Variants in FRY observed in about 807,000 individuals in gnomAD.
The protein encoded by FRY is FRY microtubule binding protein.
Under a neutral mutation model 348.4 loss-of-function variants are expected in FRY, and 128 were observed. The ratio of observed to expected loss-of-function variants is 0.37; its 90% CI spans 0.32 to 0.43. The LOEUF is 0.43. Among genes scored for constraint, FRY ranks in the 20% least tolerant of loss-of-function variants. FRY has a pLI of 1.00. For synonymous variants in FRY, 1,370 were observed against 1,374.7 expected (o/e 1.00, Z 0.08); for missense variants, 2,736 against 3,695.2 (o/e 0.74, Z 6.73).
At chr13:32,093,437 C>T (rs1033135378) in intron 2 of FRY, among the ~76,000 whole-genome samples, 4 of 152,100 alleles carry the variant, frequency 2.6e-5, no homozygotes, top group African/African-American at 9.7e-5. Context: ...ATTGAGGAAA[C>T]GTCTTTCTTT....
intron 2 of FRY, among the ~76,000 whole-genome samples, chr13:32,091,548 G>T (rs144654420): frequency 6.6e-6 from 1 of 152,334 alleles, no homozygotes; most frequent in East Asian, 1.9e-4. Flanking sequence ...GAAGTAGAGT[G>T]CCTGCGGCTG....
At chr13:32,153,797 A>G (rs1880942841) in intron 14 of FRY, among the ~76,000 whole-genome samples, 1 of 152,170 alleles carries the variant, frequency 6.6e-6, no homozygotes, top group Non-Finnish European at 1.5e-5. Flanking sequence ...ATAGCCCTAT[A>G]TGATTGATAG....
intron 4 of FRY, among the ~76,000 whole-genome samples, chr13:32,122,814 G>A (rs1374086254): frequency 6.6e-6 from 1 of 152,156 alleles, no homozygotes; most frequent in Non-Finnish European, 1.5e-5. Flanking sequence ...AAAGCTCCTA[G>A]GACTGATAAA....
rs768316543 is a variant in FRY, at chr13:32,247,456, A to T, written c.6962A>T (p.Lys2321Met). Residue 2321 changes from lysine to methionine, a missense_variant, in exon 48 of 61, where the codon AAG becomes ATG. Physicochemically the swap from Lys to Met is moderately conservative, Grantham distance 95. Transcript: ENST00000542859. ...EIHRVWTSASKELPGKTLDFH... is the reference protein window; with the variant it reads ...EIHRVWTSASMELPGKTLDFH... The stretch of plus-strand genomic sequence containing the variant: ...CATCGAGTGTGGACTAGTGCTTCCA[A>T]GGAATTACCTGGGAAAACCCTGGAC... 6.4e-5 allele frequency: 104 copies of T among 1,613,658 alleles called. No individual in the cohort carries two copies. The highest frequency in any genetic ancestry group is 1.6e-4 in the Middle Eastern group (1 of 6,084).
chr13:32,085,106 A>G (rs1875772290), intron 2 of FRY, among the ~76,000 whole-genome samples: 1 of 152,222 alleles, frequency 6.6e-6, no homozygotes, highest in South Asian at 2.1e-4. Context: ...TGTTCTTTGC[A>G]CAGATGAATG....
intron 40 of FRY, among the ~76,000 whole-genome samples, 172 bp downstream of exon 40, chr13:32,228,826 T>G (rs529090977): frequency 6.6e-6 from 1 of 152,310 alleles, no homozygotes; most frequent in East Asian, 1.9e-4. Context: ...ATACAGAGAA[T>G]TACAATTTGT....
chr13:32,239,852 A>G lies in FRY; in HGVS notation c.6658A>G (p.Thr2220Ala). 6.2e-7 allele frequency: 1 copy of G among 1,613,732 alleles called. No homozygotes were observed. Among genetic ancestry groups the G allele is most frequent in the Non-Finnish European group, 8.5e-7 (1 of 1,179,938 alleles). ...CCTTCATGAAGCATATGCTGACATTACCTTGAATATGGTTACCTACCTGGC... is the reference window on the plus strand; with the variant it reads ...CCTTCATGAAGCATATGCTGACATTGCCTTGAATATGGTTACCTACCTGGC... ...RYLHEAYADI[T>A]LNMVTYLAEL... The change falls in exon 46 of 61, where the codon ACC becomes GCC. Residue 2220 changes from threonine to alanine, a missense_variant. Thr to Ala is a moderately conservative substitution (Grantham distance 58). Around this residue, in one of 9 missense-constraint regions of FRY, gnomAD observed 789 missense variants for 996.2 expected, o/e 0.79. Transcript: ENST00000542859. The surrounding 1 kb of genome is among the most constrained non-coding windows in gnomAD (Gnocchi z 4.3).
At chr13:32,260,987 A>C (rs1451117227) in intron 51 of FRY, among the ~76,000 whole-genome samples, 1 of 152,250 alleles carries the variant, frequency 6.6e-6, no homozygotes, top group Non-Finnish European at 1.5e-5. Context: ...AATTATTTAA[A>C]GATGAGCCTA....
At chr13:32,169,356 G>A (rs1414875828) in intron 17 of FRY, among the ~76,000 whole-genome samples, 1 of 152,096 alleles carries the variant, frequency 6.6e-6, no homozygotes, top group Non-Finnish European at 1.5e-5. Flanking sequence ...TCTAATAATA[G>A]CTAACGTTAC....
At chr13:32,179,931 T>C (rs1882597608) in intron 23 of FRY, 132 bp downstream of exon 23, 1 of 853,214 alleles carries the variant, frequency 1.2e-6, no homozygotes, top group Non-Finnish European at 2.0e-6. Flanking sequence ...GACTTCCCAC[T>C]ACATCGTCTT....
At position 32,239,653 on chromosome 13, in the gene FRY, AC is replaced by A; in HGVS notation, c.6517-57del. 2.4e-6 allele frequency: 3 copies of A among 1,246,376 alleles called. No homozygotes were observed. In the South Asian group the frequency reaches 3.7e-5, roughly 15 times the overall value. The allele number at this position is 1,246,376 out of a possible 1,614,324, so 77.2% of individuals were successfully genotyped here. A position where few individuals can be genotyped will look rare whatever the true frequency, so the allele number is the denominator to read the frequency against. ...GCCAGAGCTTATAGTAAAATTGCTAACATTTCTTCCTATTCATTGGGCTATT... is the reference window on the plus strand; with the variant it reads ...GCCAGAGCTTATAGTAAAATTGCTAAATTTCTTCCTATTCATTGGGCTATT... On this transcript the variant is annotated intron_variant, in intron 45 of 60. Coordinates refer to ENST00000542859, the MANE Select transcript of FRY (RefSeq NM_023037.3). The surrounding 1 kb of genome is among the most constrained non-coding windows in gnomAD (Gnocchi z 4.3).
At chr13:32,285,216 T>C (rs1230372962) in intron 58 of FRY, among the ~76,000 whole-genome samples, 1 of 152,192 alleles carries the variant, frequency 6.6e-6, no homozygotes, top group African/African-American at 2.4e-5. Flanking sequence ...ATTTTTAGAA[T>C]GTGGATACAG....
intron 1 of FRY, among the ~76,000 whole-genome samples, chr13:32,069,000 C>A (rs1357967406): frequency 6.6e-6 from 1 of 151,160 alleles, no homozygotes; most frequent in African/African-American, 2.4e-5. Flanking sequence ...ACTGCAAGCT[C>A]CGCCTGCCGG....
At chr13:32,253,313 T>A (rs1286610914) in intron 50 of FRY, among the ~76,000 whole-genome samples, 1 of 152,192 alleles carries the variant, frequency 6.6e-6, no homozygotes, top group Admixed American at 6.5e-5. Context: ...TCTTAAACAC[T>A]AGAGGAAAAA....
chr13:32,069,708 G>T (rs537122677), intron 1 of FRY, among the ~76,000 whole-genome samples: 80 of 152,282 alleles, frequency 5.3e-4, no homozygotes, highest in African/African-American at 1.9e-3. Context: ...AATATTGCAT[G>T]ATTCCACTAA....
intron 46 of FRY, among the ~76,000 whole-genome samples, chr13:32,241,230 A>C (rs919977855): frequency 1.3e-5 from 2 of 152,218 alleles, no homozygotes; most frequent in African/African-American, 4.8e-5. Context: ...TGAAGTGTAG[A>C]TAGCAAGGAG....
chr13:32,234,844 C>A, intron 42 of FRY, 83 bp downstream of exon 42: 1 of 1,117,102 alleles, frequency 9.0e-7, no homozygotes, highest in Non-Finnish European at 1.4e-6. Flanking sequence ...AGCCTTTCTT[C>A]TGTCAACAAT....
intron 29 of FRY, among the ~76,000 whole-genome samples, chr13:32,195,995 G>T (rs1192950016): frequency 1.3e-5 from 2 of 152,150 alleles, no homozygotes; most frequent in Non-Finnish European, 1.5e-5. Flanking sequence ...TAAATTCTCA[G>T]CCTGTGTAGT....
intron 1 of FRY, among the ~76,000 whole-genome samples, chr13:32,058,349 C>A (rs1394322149): frequency 6.6e-6 from 1 of 152,084 alleles, no homozygotes; most frequent in Non-Finnish European, 1.5e-5. Flanking sequence ...AAAATGCTAT[C>A]ATAATTTAAC....
Sources: allele counts gnomAD v4.1 joint callset (sites outside exome capture counted in the v4.1 genomes callset), GRCh38; gene constraint gnomAD v4.1.1; regional missense constraint gnomAD v4.1.1; non-coding constraint Gnocchi (gnomAD v3.1); transcripts MANE v1.5; gene names NCBI Gene and HGNC (gene_info 2026-07-23, HGNC 2026-07-21).